TMEM132C: variants seen among roughly 807,000 people sequenced by gnomAD.
TMEM132C encodes transmembrane protein 132C, also known as protein phosphatase 1, regulatory subunit 152.
A neutral mutation model predicts 61.4 loss-of-function variants in TMEM132C; 29 were observed. That is an observed-to-expected ratio of 0.47 (90% CI 0.35 to 0.64). TMEM132C has a LOEUF of 0.64. TMEM132C is among the 30% of genes least tolerant of loss of function. The pLI is 0.00. For missense variants in TMEM132C, 1,408 were observed against 1,476.9 expected (o/e 0.95, Z 0.76); for synonymous variants, 656 against 633.1 (o/e 1.04, Z -0.54).
chr12:128,677,465 G>A (rs1232946085), intron 5 of TMEM132C, among the ~76,000 whole-genome samples: 1 of 152,140 alleles, frequency 6.6e-6, no homozygotes, highest in Non-Finnish European at 1.5e-5. Flanking sequence ...TGCTGGAGAG[G>A]GGCTTAGGTG....
chr12:128,451,659 A>T (rs1219672302), intron 2 of TMEM132C, among the ~76,000 whole-genome samples: 1 of 152,236 alleles, frequency 6.6e-6, no homozygotes, highest in Non-Finnish European at 1.5e-5. Flanking sequence ...CGGTCTGTAC[A>T]AACAATATTG....
chr12:128,606,519 AT>A (rs1328560001), intron 3 of TMEM132C, among the ~76,000 whole-genome samples: 2 of 152,184 alleles, frequency 1.3e-5, no homozygotes, highest in African/African-American at 4.8e-5. Flanking sequence ...GAGATTTCCC[AT>A]TTTTAAAAAA....
At chr12:128,340,847 C>CTCTTTCTCTCTT (rs1872942584) in intron 1 of TMEM132C, among the ~76,000 whole-genome samples, 1 of 142,038 alleles carries the variant, frequency 7.0e-6, no homozygotes, top group African/African-American at 2.7e-5. Flanking sequence ...CTCTCTTTCT[C>CTCTTTCTCTCTT]TCTTTCTTTC....
intron 3 of TMEM132C, among the ~76,000 whole-genome samples, chr12:128,551,871 C>T (rs1036124546): frequency 7.2e-5 from 11 of 152,170 alleles, no homozygotes; most frequent in East Asian, 5.8e-4. Flanking sequence ...GAGGGAAGAG[C>T]GGACCCTGGC....
chr12:128,502,610 T>A (rs1872221478), intron 2 of TMEM132C, among the ~76,000 whole-genome samples: 1 of 152,184 alleles, frequency 6.6e-6, no homozygotes, highest in African/African-American at 2.4e-5. Flanking sequence ...CCAAAGCTAG[T>A]GTCCCCGACC....
intron 1 of TMEM132C, among the ~76,000 whole-genome samples, chr12:128,268,416 C>T (rs1452668301): frequency 1.3e-5 from 2 of 152,152 alleles, no homozygotes; most frequent in Non-Finnish European, 2.9e-5. Flanking sequence ...GCGGGGCAGG[C>T]GGGGAGCAAG....
At chr12:128,462,021 T>A (rs1870548080) in intron 2 of TMEM132C, among the ~76,000 whole-genome samples, 1 of 152,212 alleles carries the variant, frequency 6.6e-6, no homozygotes, top group Non-Finnish European at 1.5e-5. Context: ...GTGGGTGCCT[T>A]CTTCACTGTG....
chr12:128,682,011 A>G (rs4597130), intron 5 of TMEM132C, among the ~76,000 whole-genome samples: 91,019 of 151,604 alleles, frequency 0.6, 27,732 homozygotes, highest in African/African-American at 0.72. Context: ...AGAAAAGCAA[A>G]TACCTTTTGT....
At chr12:128,422,780 C>G (rs76944842) in intron 2 of TMEM132C, among the ~76,000 whole-genome samples, 1 of 152,104 alleles carries the variant, frequency 6.6e-6, no homozygotes, top group Non-Finnish European at 1.5e-5. Flanking sequence ...GGACTCTACT[C>G]AGTAGAAAAA....
chr12:128,696,210 T>C, intron 7 of TMEM132C, 107 bp downstream of exon 7: 3 of 1,390,312 alleles, frequency 2.2e-6, no homozygotes, highest in Non-Finnish European at 2.9e-6. Flanking sequence ...AACCCATGTG[T>C]ATCATGGGAA....
chr12:128,543,975 G>A lies in TMEM132C; in HGVS notation c.993G>A (p.Gly331=), dbSNP rs896684576. The change falls in exon 3 of 9, where the codon GGG becomes GGA. Residue 331 remains glycine, a synonymous_variant. Coordinates refer to ENST00000435159, the MANE Select transcript of TMEM132C (RefSeq NM_001136103.3). ...LFILRAKVKK[G]VNILSAQTRE... ...CCCACAGAGCCAAGGTGAAGAAGGG[G>A]GTGAACATCCTGAGTGCTCAGACCC... The A allele has an allele frequency of 5.8e-6, 9 of 1,546,550 alleles. No individual in the cohort carries two copies. The highest frequency in any genetic ancestry group is 7.9e-6 in the Non-Finnish European group (9 of 1,144,842).
chr12:128,349,565 CCTT>C (rs1308106207), intron 1 of TMEM132C, among the ~76,000 whole-genome samples: 1 of 152,192 alleles, frequency 6.6e-6, no homozygotes, highest in Non-Finnish European at 1.5e-5. Context: ...TACATACACT[CCTT>C]CTAATTGCCA....
rs546345410 is a variant in TMEM132C, at chr12:128,637,850, T to C, written c.1305+21515T>C. Among the ~76,000 whole-genome samples, 299 of 152,334 alleles carry C rather than the reference T, an allele frequency of 2.0e-3. 2 individuals carry two copies. Among genetic ancestry groups the C allele is most frequent in the African/African-American group, 6.8e-3 (284 of 41,566 alleles). On this transcript the variant is annotated intron_variant, in intron 4 of 8. Transcript: ENST00000435159. The stretch of plus-strand genomic sequence containing the variant: ...GAACTTTGCTGAGTTCAACTGCGAA[T>C]ATTTGTCTTTCTGTGACCTAATTTC...
chr12:128,320,090 A>G (rs901794555), intron 1 of TMEM132C, among the ~76,000 whole-genome samples: 1 of 152,206 alleles, frequency 6.6e-6, no homozygotes, highest in African/African-American at 2.4e-5. Context: ...CAAGTCGCCA[A>G]AAGTTGTTAG....
intron 4 of TMEM132C, among the ~76,000 whole-genome samples, chr12:128,629,341 C>G (rs970503694): frequency 6.6e-6 from 1 of 151,880 alleles, no homozygotes; most frequent in South Asian, 2.1e-4. Context: ...ATAGTGAGAC[C>G]TTGTCTCTGC....
At chr12:128,690,690 G>A (rs568542677) in intron 5 of TMEM132C, among the ~76,000 whole-genome samples, 2 of 152,272 alleles carry the variant, frequency 1.3e-5, no homozygotes, top group Non-Finnish European at 2.9e-5. Flanking sequence ...ACAAGCCTGG[G>A]ATGGCAACTA....
At chr12:128,282,580 C>T (rs1482175735) in intron 1 of TMEM132C, among the ~76,000 whole-genome samples, 2 of 152,212 alleles carry the variant, frequency 1.3e-5, no homozygotes. Context: ...CTAGGTCCCT[C>T]CCTGGACGTG....
chr12:128,370,770 G>T lies in TMEM132C; in HGVS notation c.86-43962G>T, dbSNP rs140724014. Among the ~76,000 whole-genome samples the T allele has an allele frequency of 5.3e-3, 559 of 104,850 alleles. 3 individuals are homozygous for T. Among genetic ancestry groups the T allele is most frequent in the African/African-American group, 0.019 (529 of 27,132 alleles). 68.8% of individuals were successfully genotyped at this position (104,850 alleles called of 152,430 possible). A position where few individuals can be genotyped will look rare whatever the true frequency, so the allele number is the denominator to read the frequency against. ...AAGGCAGTGTGGATCGAGGTGGAGT[G>T]GGGAGGCTCAGTGAAGAATTTCCAG... On this transcript the variant is annotated intron_variant, in intron 1 of 8. Coordinates refer to ENST00000435159, the MANE Select transcript of TMEM132C (RefSeq NM_001136103.3).
chr12:128,490,762 A>G (rs1286817833), intron 2 of TMEM132C, among the ~76,000 whole-genome samples: 2 of 152,180 alleles, frequency 1.3e-5, no homozygotes, highest in African/African-American at 4.8e-5. Flanking sequence ...ATCAAGAGGC[A>G]ATTCTAGAAA....
Sources: gnomAD v4.1 joint callset for allele counts (sites outside exome capture counted in the v4.1 genomes callset) on GRCh38, gnomAD v4.1.1 for gene constraint, MANE v1.5 for transcripts, NCBI Gene and HGNC (gene_info 2026-07-23, HGNC 2026-07-21) for gene names.